Variants in FAM171A1 observed in about 807,000 individuals in gnomAD.
FAM171A1 encodes the protein family with sequence similarity 171 member A1, also known as protein FAM171A1.
FAM171A1 carries 23 observed loss-of-function variants against 74.9 expected under a neutral mutation model. The ratio of observed to expected loss-of-function variants is 0.31; its 90% CI spans 0.22 to 0.44. FAM171A1 has a LOEUF of 0.44. FAM171A1 is among the 20% of genes least tolerant of loss of function. The pLI, the probability that FAM171A1 is intolerant of heterozygous loss-of-function variation, is 1.00. For synonymous variants in FAM171A1, 527 were observed against 505.7 expected, an observed-to-expected ratio of 1.04 and a Z score of -0.57; for missense variants, 1,162 against 1,159.2, an observed-to-expected ratio of 1.00 and a Z score of -0.03.
intron 1 of FAM171A1, 23 bp downstream of exon 1, chr10:15,370,933 C>A: frequency 8.9e-7 from 1 of 1,118,842 alleles, no homozygotes; most frequent in Non-Finnish European, 1.1e-6. Context: ...ACAAAGCCCC[C>A]GGCCCCGCCG....
At chr10:15,239,418 T>G (rs1165300445) in intron 5 of FAM171A1, among the ~76,000 whole-genome samples, 1 of 152,024 alleles carries the variant, frequency 6.6e-6, no homozygotes, top group Non-Finnish European at 1.5e-5. Context: ...ATTCTCAGCC[T>G]CCCAAGAAGC....
chr10:15,352,259 A>T (rs1004154996), intron 1 of FAM171A1, among the ~76,000 whole-genome samples: 16 of 152,036 alleles, frequency 1.1e-4, no homozygotes, highest in African/African-American at 3.9e-4. Flanking sequence ...TACTAATTAA[A>T]TTAAAATAAA....
intron 1 of FAM171A1, among the ~76,000 whole-genome samples, chr10:15,301,485 G>A (rs1319481535): frequency 6.6e-6 from 1 of 151,994 alleles, no homozygotes; most frequent in Non-Finnish European, 1.5e-5. Context: ...TTACAGGCAT[G>A]AGCCACCTTG....
At chr10:15,361,863 T>A (rs933133842) in intron 1 of FAM171A1, among the ~76,000 whole-genome samples, 1 of 152,148 alleles carries the variant, frequency 6.6e-6, no homozygotes, top group Non-Finnish European at 1.5e-5. Context: ...TCTAAGAAAA[T>A]AAAAATGTTC....
chr10:15,310,880 C>G (rs1835352485), intron 1 of FAM171A1, among the ~76,000 whole-genome samples: 1 of 152,060 alleles, frequency 6.6e-6, no homozygotes, highest in East Asian at 1.9e-4. Context: ...CAGAGGGTCT[C>G]CTTCCCTTTC....
chr10:15,240,696 AAGTGTGTG>A lies in FAM171A1; in HGVS notation c.754+7935_754+7942del, dbSNP rs1333680968. On this transcript the variant is annotated intron_variant, in intron 5 of 7. Coordinates refer to ENST00000378116, the MANE Select transcript of FAM171A1 (RefSeq NM_001010924.2). ...TCAATTTCCTGGCAGTCAAGGATTA[AAGTGTGTG>A]AGTTAGAGTTAAAACATGGATATAC... 4.1e-6 allele frequency: 4 copies of A among 984,402 alleles called. No individual in the cohort carries two copies. The African/African-American group carries it at 7.0e-5, about 17-fold the overall frequency. 61.0% of individuals were successfully genotyped at this position (984,402 alleles called of 1,614,324 possible).
In FAM171A1 at chr10:15,213,663, G is replaced by A. The variant is rs1230217684; in HGVS notation, c.1925C>T (p.Ala642Val). The A allele has an allele frequency of 2.5e-6, 4 of 1,613,836 alleles. No individual in the cohort carries two copies. Among genetic ancestry groups the A allele is most frequent in the South Asian group, 2.2e-5 (2 of 91,046 alleles). The stretch of plus-strand genomic sequence containing the variant: ...ATCCTGCAGGTGCTGCTGAGAGATG[G>A]CCTGGGAAGACAGGGGCTGGGGCTG... Reference protein sequence around the residue: ...QIQPQPLSSQAISQQHLQDAG... With the variant: ...QIQPQPLSSQVISQQHLQDAG... The change falls in exon 8 of 8, where the codon GCC becomes GTC. Residue 642 changes from alanine to valine, a missense_variant. By Grantham distance (64) the Ala-to-Val change is moderately conservative (BLOSUM62 0). Transcript: ENST00000378116. This position sits in a 1 kb window ranked among gnomAD's most constrained non-coding sequence, Gnocchi z 6.8.
chr10:15,329,498 C>T (rs370082060), intron 1 of FAM171A1, among the ~76,000 whole-genome samples: 2 of 152,050 alleles, frequency 1.3e-5, no homozygotes, highest in Non-Finnish European at 2.9e-5. Context: ...CACCTGTGCA[C>T]ATCTGGAGTC....
chr10:15,276,030 T>G (rs1834890102), intron 2 of FAM171A1, 83 bp from the exon 3 acceptor site: 2 of 911,414 alleles, frequency 2.2e-6, no homozygotes, highest in African/African-American at 3.3e-5. Flanking sequence ...ACTCTGCAGT[T>G]TTTGTATTTT....
intron 5 of FAM171A1, chr10:15,240,626 G>T: frequency 2.4e-6 from 2 of 827,970 alleles, no homozygotes; most frequent in Non-Finnish European, 2.9e-6. Flanking sequence ...CTCTCACGGG[G>T]TTTGAAAGAG....
chr10:15,306,117 C>T (rs774663035), intron 1 of FAM171A1, among the ~76,000 whole-genome samples: 44 of 152,264 alleles, frequency 2.9e-4, no homozygotes, highest in African/African-American at 8.9e-4. Context: ...GCAACTCGAC[C>T]GTATGTTTCT....
intron 4 of FAM171A1, among the ~76,000 whole-genome samples, chr10:15,253,607 G>T (rs2131766237): frequency 6.6e-6 from 1 of 152,240 alleles, no homozygotes; most frequent in Non-Finnish European, 1.5e-5. Flanking sequence ...AATGTTTCAG[G>T]TTTAAAAGCT....
At position 15,333,917 on chromosome 10, in the gene FAM171A1, C is replaced by A. The variant is rs529978211; in HGVS notation, c.97+37039G>T. ...CTATACTGGCCGTCTTTTCCCTGCT[C>A]CTTTTGGGGTCGTTTCAGAGCTCAT... On this transcript the variant is annotated intron_variant, in intron 1 of 7. Transcript: ENST00000378116. Among the ~76,000 whole-genome samples the A allele has an allele frequency of 3.3e-5, 5 of 152,222 alleles. No individual in the cohort carries two copies. The South Asian group carries it at 1.0e-3, about 32-fold the overall frequency.
chr10:15,219,826 C>G (rs1249568691), intron 6 of FAM171A1, among the ~76,000 whole-genome samples: 1 of 152,144 alleles, frequency 6.6e-6, no homozygotes, highest in Non-Finnish European at 1.5e-5. Flanking sequence ...GTGATCCGCC[C>G]TCCTCGGCTT....
At chr10:15,310,747 A>T (rs1274089116) in intron 1 of FAM171A1, among the ~76,000 whole-genome samples, 1 of 152,038 alleles carries the variant, frequency 6.6e-6, no homozygotes, top group Non-Finnish European at 1.5e-5. Flanking sequence ...CTGTAGTCCC[A>T]GCTACTCAGG....
intron 1 of FAM171A1, among the ~76,000 whole-genome samples, chr10:15,284,860 C>T (rs181184314): frequency 6.7e-6 from 1 of 149,272 alleles, no homozygotes; most frequent in Non-Finnish European, 1.5e-5. Flanking sequence ...AAAGGCTAGA[C>T]TGAAAAGAAG....
intron 1 of FAM171A1, among the ~76,000 whole-genome samples, chr10:15,318,231 C>T (rs930015555): frequency 3.2e-4 from 49 of 152,224 alleles, no homozygotes; most frequent in African/African-American, 9.6e-4. Context: ...TAGCAGGAGC[C>T]GGAAATTTTT....
At chr10:15,258,126 T>C (rs1277645865) in intron 3 of FAM171A1, among the ~76,000 whole-genome samples, 2 of 152,144 alleles carry the variant, frequency 1.3e-5, no homozygotes, top group Non-Finnish European at 2.9e-5. Context: ...AGTGGCGTGA[T>C]CTCGGCTTAC....
At chr10:15,287,184 C>T (rs193069875) in intron 1 of FAM171A1, among the ~76,000 whole-genome samples, 19 of 150,716 alleles carry the variant, frequency 1.3e-4, no homozygotes, top group African/African-American at 1.7e-4. Context: ...CTTCGCCTCC[C>T]GGGTTCACGC....
Sources: allele counts gnomAD v4.1 joint callset (sites outside exome capture counted in the v4.1 genomes callset), GRCh38; gene constraint gnomAD v4.1.1; non-coding constraint Gnocchi (gnomAD v3.1); transcripts MANE v1.5; gene names NCBI Gene and HGNC (gene_info 2026-07-23, HGNC 2026-07-21).